VPS13D: variants seen among roughly 807,000 people sequenced by gnomAD.
VPS13D encodes the protein vacuolar protein sorting 13 homolog D, also known as intermembrane lipid transfer protein VPS13D.
VPS13D carries 187 observed loss-of-function variants against 461.9 expected under a neutral mutation model. The ratio of observed to expected loss-of-function variants is 0.40; its 90% CI spans 0.36 to 0.46. VPS13D has a LOEUF of 0.46. Ranked by LOEUF, VPS13D falls within the 20% of genes least tolerant of loss-of-function variation. The pLI, the probability that VPS13D is intolerant of heterozygous loss-of-function variation, is 0.60. For missense variants in VPS13D, 4,711 were observed against 5,364.9 expected, an observed-to-expected ratio of 0.88 and a Z score of 3.81; for synonymous variants, 1,951 against 1,986.3, an observed-to-expected ratio of 0.98 and a Z score of 0.47.
At chr1:12,431,516 G>A (rs1355042047) in intron 65 of VPS13D, among the ~76,000 whole-genome samples, 1 of 150,546 alleles carries the variant, frequency 6.6e-6, no homozygotes, top group African/African-American at 2.4e-5. Context: ...AGGAGTGAGG[G>A]GGAGAAAAGT....
In VPS13D at chr1:12,345,473, A is replaced by C. The variant is rs542551244; in HGVS notation, c.8985A>C (p.Arg2995=). Residue 2995 remains arginine (R), a synonymous_variant, in exon 43 of 70, where the codon CGA becomes CGC. Coordinates refer to ENST00000620676, the MANE Select transcript of VPS13D (RefSeq NM_015378.4). ...TGGACAAAGTCGGGACCTTTTTTCG[A>C]TATGCAGCACCAGATAAAAATTCAT... ...VSVDKVGTFF[R]YAAPDKNSSS... The C allele has an allele frequency of 6.2e-7, 1 of 1,613,714 alleles. No individual in the cohort carries two copies. Among genetic ancestry groups the C allele is most frequent in the South Asian group, 1.1e-5 (1 of 91,046 alleles).
chr1:12,295,371 A>G (rs1253608405), intron 24 of VPS13D, among the ~76,000 whole-genome samples: 1 of 152,202 alleles, frequency 6.6e-6, no homozygotes, highest in Non-Finnish European at 1.5e-5. Flanking sequence ...TACAGTAGCA[A>G]AGTGAAAAAG....
chr1:12,367,553 A>AATTAATTAATTTATTT (rs1553184244), intron 52 of VPS13D: 1 of 148,878 alleles, frequency 6.7e-6, no homozygotes, highest in African/African-American at 2.5e-5. Flanking sequence ...GTTGCGATGA[A>AATTAATTAATTTATTT]ATTTATTTAT....
At chr1:12,363,577 A>G (rs1166595260) in intron 52 of VPS13D, among the ~76,000 whole-genome samples, 2 of 152,228 alleles carry the variant, frequency 1.3e-5, no homozygotes, top group East Asian at 3.8e-4. Context: ...ACATATTTAT[A>G]CAAAACCTTC....
rs1268329436 is a variant in VPS13D at position 12,258,539 on chromosome 1, AAAGGGTG to A, written c.1110+440_1110+446del. ...ATTTAGGTTGTAGAGGCTAGGCAGA[AAAGGGTG>A]AAGTACGTGGTGAAGGCAAGCTCAT... On this transcript the variant is annotated intron_variant, in intron 10 of 69. Coordinates refer to ENST00000620676, the MANE Select transcript of VPS13D (RefSeq NM_015378.4). Among the ~76,000 whole-genome samples, 79 of 152,338 alleles carry A rather than the reference AAAGGGTG, an allele frequency of 5.2e-4. 1 individual carries two copies. The highest frequency in any genetic ancestry group is 1.8e-3 in the African/African-American group (73 of 41,566).
intron 13 of VPS13D, among the ~76,000 whole-genome samples, chr1:12,263,145 A>G (rs752000811): frequency 7.2e-5 from 11 of 152,162 alleles, no homozygotes; most frequent in Non-Finnish European, 1.6e-4. Context: ...TCTAATACTC[A>G]TATTTTTTTT....
rs1202747233 is a variant in VPS13D, at chr1:12,373,621, C to T, written c.10809-129C>T. On this transcript the variant is annotated intron_variant, in intron 54 of 69. Coordinates refer to ENST00000620676, the MANE Select transcript of VPS13D (RefSeq NM_015378.4). Reference sequence around the variant, plus strand: ...CTTGCATCAGACTTTTTCTTCTATCCTTTAAAAAATTTTCTTTTTAATAAA... The same window carrying T: ...CTTGCATCAGACTTTTTCTTCTATCTTTTAAAAAATTTTCTTTTTAATAAA... The T allele has an allele frequency of 1.8e-5, 7 of 398,494 alleles. No homozygotes were observed. In the East Asian group the frequency reaches 4.4e-4, roughly 25 times the overall value. 24.7% of individuals were successfully genotyped at this position (398,494 alleles called of 1,614,324 possible).
chr1:12,262,003 G>A lies in VPS13D; in HGVS notation c.1517G>A (p.Gly506Asp). The change falls in exon 13 of 70, where the codon GGT (glycine) becomes GAT (aspartate). Residue 506 changes from glycine to aspartate, a missense_variant. Transcript: ENST00000620676. ...FAKLNLQLQR[G>D]TVTLLHKEQG... ...AAACTGAATTTGCAGTTGCAGCGAGGTACAGTGACTCTGTTACACAAGGAG... is the reference window on the plus strand; with the variant it reads ...AAACTGAATTTGCAGTTGCAGCGAGATACAGTGACTCTGTTACACAAGGAG... The A allele has an allele frequency of 6.2e-7, 1 of 1,614,110 alleles. No individual in the cohort carries two copies. The highest frequency in any genetic ancestry group is 8.5e-7 in the Non-Finnish European group (1 of 1,180,008).
chr1:12,384,836 G>T (rs1431099580), intron 58 of VPS13D, among the ~76,000 whole-genome samples: 1 of 152,120 alleles, frequency 6.6e-6, no homozygotes, highest in Non-Finnish European at 1.5e-5. Context: ...CCCCAGGCTG[G>T]TCTTGAACTT....
chr1:12,435,089 A>G (rs1192967530), intron 65 of VPS13D, among the ~76,000 whole-genome samples: 4 of 152,190 alleles, frequency 2.6e-5, no homozygotes, highest in Admixed American at 2.6e-4. Context: ...TGTTAATTAC[A>G]TTTATCTTTA....
chr1:12,376,195 G>A (rs894233850), intron 55 of VPS13D, among the ~76,000 whole-genome samples: 23 of 152,218 alleles, frequency 1.5e-4, no homozygotes, highest in African/African-American at 5.1e-4. Context: ...CAAGCATGTG[G>A]GAATTGGAGA....
chr1:12,237,660 A>G (rs1156615804), intron 2 of VPS13D, among the ~76,000 whole-genome samples: 1 of 151,136 alleles, frequency 6.6e-6, no homozygotes, highest in East Asian at 1.9e-4. Context: ...CTCTAAAAAA[A>G]AAAATAAATA....
intron 67 of VPS13D, chr1:12,478,520 A>G: frequency 3.4e-6 from 1 of 291,860 alleles, no homozygotes; most frequent in Non-Finnish European, 6.8e-6. Flanking sequence ...GCAAAAGTTT[A>G]TAAAGAGTCG....
Position 12,271,093 on chromosome 1 carries a change from C to T in VPS13D, c.2072C>T (p.Thr691Ile), listed in dbSNP as rs1641427159. 2 of 1,613,896 alleles carry T rather than the reference C, an allele frequency of 1.2e-6. No individual in the cohort carries two copies. The highest frequency in any genetic ancestry group is 2.2e-5 in the East Asian group (1 of 44,878). ...KMQTKAEIRQ[T>I]LDRLLVGDFI... Reference sequence around the variant, plus strand: ...CAGACCAAGGCAGAAATCCGGCAAACTCTTGATCGTTTGCTAGTGGGTGAT... The same window carrying T: ...CAGACCAAGGCAGAAATCCGGCAAATTCTTGATCGTTTGCTAGTGGGTGAT... Residue 691 changes from threonine to isoleucine, a missense_variant, in exon 17 of 70, where the codon ACT becomes ATT. Physicochemically the swap from Thr to Ile is moderately conservative, Grantham distance 89 (BLOSUM62 -1). Coordinates refer to ENST00000620676, the MANE Select transcript of VPS13D (RefSeq NM_015378.4).
At chr1:12,325,976 C>CTTTTTTTTTTTTTT (rs70987244) in intron 35 of VPS13D, among the ~76,000 whole-genome samples, 1 of 137,272 alleles carries the variant, frequency 7.3e-6, no homozygotes, top group Non-Finnish European at 1.6e-5. Context: ...TACTTGATTT[C>CTTTTTTTTTTTTTT]TTTTTTTTTT....
At chr1:12,385,931 A>G (rs879792155) in intron 59 of VPS13D, among the ~76,000 whole-genome samples, 1 of 152,206 alleles carries the variant, frequency 6.6e-6, no homozygotes. Context: ...GAATGTCATC[A>G]GTCCTTTGAT....
intron 42 of VPS13D, among the ~76,000 whole-genome samples, chr1:12,343,648 T>TA (rs1643616578): frequency 6.6e-6 from 1 of 152,234 alleles, no homozygotes; most frequent in African/African-American, 2.4e-5. Context: ...GTGCTGGGAT[T>TA]ACAGGCGTGA....
chr1:12,310,538 C>T (rs1438181257), intron 27 of VPS13D, among the ~76,000 whole-genome samples: 4 of 152,202 alleles, frequency 2.6e-5, no homozygotes, highest in Non-Finnish European at 2.9e-5. Flanking sequence ...GCTGAGATGA[C>T]GAACCTATTC....
At chr1:12,415,051 G>T in intron 63 of VPS13D, 36 bp from the exon 64 acceptor site, 1 of 1,610,734 alleles carries the variant, frequency 6.2e-7, no homozygotes, top group South Asian at 1.1e-5. Context: ...GCCATCATAT[G>T]ACTTAAGTAT....
Sources: allele counts gnomAD v4.1 joint callset (sites outside exome capture counted in the v4.1 genomes callset), GRCh38; gene constraint gnomAD v4.1.1; transcripts MANE v1.5; gene names NCBI Gene and HGNC (gene_info 2026-07-23, HGNC 2026-07-21).